The following DAB2IP variants were observed in gnomAD, a reference collection of about 807,000 sequenced individuals.
The protein encoded by DAB2IP is disabled homolog 2-interacting protein.
DAB2IP carries 28 observed loss-of-function variants against 107.2 expected under a neutral mutation model. That is an observed-to-expected ratio of 0.26 (90% CI 0.19 to 0.36). The LOEUF (loss-of-function observed/expected upper bound fraction) is 0.36, where lower values mean the gene tolerates loss of function less well. DAB2IP is among the 10% of genes least tolerant of loss of function. The pLI is 1.00. For synonymous variants in DAB2IP, 755 were observed against 706.4 expected (o/e 1.07, Z -1.09); for missense variants, 1,400 against 1,644.7 (o/e 0.85, Z 2.57).
At chr9:121,567,674 A>G (rs926553274) in intron 1 of DAB2IP, among the ~76,000 whole-genome samples, 19 of 152,142 alleles carry the variant, frequency 1.2e-4, no homozygotes, top group African/African-American at 4.3e-4. Context: ...CTCATGCTGA[A>G]AGCACTCCCC....
At chr9:121,755,197 A>T (rs111840316) in intron 3 of DAB2IP, among the ~76,000 whole-genome samples, 5 of 152,142 alleles carry the variant, frequency 3.3e-5, no homozygotes, top group Non-Finnish European at 7.4e-5. Flanking sequence ...GATTATCAGG[A>T]GAAGAGGCCT....
intron 1 of DAB2IP, among the ~76,000 whole-genome samples, chr9:121,619,689 G>C (rs1281816260): frequency 2.0e-5 from 3 of 152,200 alleles, no homozygotes; most frequent in Non-Finnish European, 2.9e-5. Flanking sequence ...CACTTGGGTG[G>C]AGTATGTTGT....
upstream of DAB2IP, among the ~76,000 whole-genome samples, chr9:121,650,571 G>C (rs1016637727): frequency 1.3e-5 from 2 of 152,238 alleles, no homozygotes; most frequent in African/African-American, 4.8e-5. Flanking sequence ...ACTTGCCTCT[G>C]CCACTTTCCA....
In DAB2IP at chr9:121,656,542, A is replaced by G. The variant is rs532877401; in HGVS notation, c.124+4643A>G. Among the ~76,000 whole-genome samples the G allele has an allele frequency of 5.5e-4, 84 of 152,306 alleles. 1 individual carries two copies. Among genetic ancestry groups the G allele is most frequent in the Admixed American group, 2.0e-3 (31 of 15,306 alleles). On this transcript the variant is annotated intron_variant, in intron 1 of 15. Coordinates refer to ENST00000408936, the Ensembl canonical transcript of DAB2IP. ...CTTCTTCTGTTTCTGCCAAGACACA[A>G]TCTTTCATTTGGGGCTTGGCCCTAG...
intron 2 of DAB2IP, among the ~76,000 whole-genome samples, chr9:121,696,456 A>G (rs1829434608): frequency 6.6e-6 from 1 of 152,192 alleles, no homozygotes; most frequent in Non-Finnish European, 1.5e-5. Flanking sequence ...CCTCTTCCCA[A>G]GTTAGGGGCT....
chr9:121,692,403 G>A (rs1278216971), intron 2 of DAB2IP, among the ~76,000 whole-genome samples: 1 of 152,120 alleles, frequency 6.6e-6, no homozygotes, highest in Non-Finnish European at 1.5e-5. Context: ...GCATTTGTAT[G>A]CATGCCTGTC....
intron 1 of DAB2IP, among the ~76,000 whole-genome samples, chr9:121,580,570 A>G (rs1830167851): frequency 6.6e-6 from 1 of 152,034 alleles, no homozygotes; most frequent in Non-Finnish European, 1.5e-5. Context: ...GAACAGGCAG[A>G]GGGAACCACA....
chr9:121,774,689 AAGGCTCCTTAGCCC>A (rs1258589898), intron 13 of DAB2IP, among the ~76,000 whole-genome samples: 1 of 152,198 alleles, frequency 6.6e-6, no homozygotes, highest in Non-Finnish European at 1.5e-5. Context: ...GACCTCTGGG[AAGGCTCCTTAGCCC>A]AGGCAACTGA....
At chr9:121,757,840 A>G (rs1466281126) in intron 4 of DAB2IP, among the ~76,000 whole-genome samples, 3 of 152,100 alleles carry the variant, frequency 2.0e-5, no homozygotes, top group Non-Finnish European at 2.9e-5. Flanking sequence ...GAAGATTCCT[A>G]CCCCCAATAA....
intron 1 of DAB2IP, among the ~76,000 whole-genome samples, chr9:121,627,390 T>G (rs1458223893): frequency 2.0e-5 from 3 of 152,172 alleles, no homozygotes; most frequent in Non-Finnish European, 4.4e-5. Context: ...TTTTTTTTTT[T>G]TTGTATGCTG....
At chr9:121,773,115 A>G (rs1834894503) in exon 12 of DAB2IP, 1 of 1,612,196 alleles carries the variant, frequency 6.2e-7, no homozygotes, top group Non-Finnish European at 8.5e-7. Flanking sequence ...ACACAGCAAC[A>G]GCGAGGAGTT....
rs1271843088 is a variant in DAB2IP at position 121,702,837 on chromosome 9, ACT to A, written c.362+3382_362+3383del. 6.6e-6 allele frequency among the ~76,000 whole-genome samples: 1 copy of A among 151,546 alleles called. No homozygotes were observed. Among genetic ancestry groups the A allele is most frequent in the Non-Finnish European group, 1.5e-5 (1 of 67,900 alleles). Reference sequence around the variant, plus strand: ...TCTCTCCTGATGCTGTTTCTGGGTGACTCTAGCCCTCCACACCTGCTGGGAAT... The same window carrying A: ...TCTCTCCTGATGCTGTTTCTGGGTGACTAGCCCTCCACACCTGCTGGGAAT... On this transcript the variant is annotated intron_variant, in intron 3 of 15. Transcript: ENST00000408936. The surrounding 1 kb of genome is among the most constrained non-coding windows in gnomAD (Gnocchi z 4.5).
At chr9:121,773,006 C>T (rs1444291491) in exon 12 of DAB2IP, 4 of 1,611,318 alleles carry the variant, frequency 2.5e-6, no homozygotes, top group East Asian at 2.2e-5. Context: ...TGGCACCGCT[C>T]TCCTTCCAGA....
intron 15 of DAB2IP, 41 bp downstream of exon 15, chr9:121,781,592 G>T: frequency 4.4e-6 from 7 of 1,596,056 alleles, no homozygotes; most frequent in Non-Finnish European, 6.0e-6. Flanking sequence ...AGAGTTAAAG[G>T]GCCTGGGATT....
rs374127830 is a variant in DAB2IP at position 121,627,141 on chromosome 9, T to TCA, written c.41-51510_41-51509dup. 3.8e-3 allele frequency among the ~76,000 whole-genome samples: 485 copies of TCA among 126,826 alleles called. 2 individuals carry two copies. The highest frequency in any genetic ancestry group is 4.8e-3 in the Admixed American group (55 of 11,404). 83.2% of individuals were successfully genotyped at this position (126,826 alleles called of 152,430 possible). A position where few individuals can be genotyped will look rare whatever the true frequency, so the allele number is the denominator to read the frequency against. On this transcript the variant is annotated intron_variant, in intron 1 of 16. Transcript: ENST00000259371. ...ACTCAACACACACACACACACACAC[T>TCA]CACACACACACACACACACACACAC...
At chr9:121,734,301 C>T (rs1831733329) in intron 3 of DAB2IP, among the ~76,000 whole-genome samples, 3 of 141,500 alleles carry the variant, frequency 2.1e-5, no homozygotes, top group Non-Finnish European at 1.5e-5. Context: ...GGCGTGAACC[C>T]AGGAAGCGGA....
At position 121,782,189 on chromosome 9, in the gene DAB2IP, T is replaced by C. The variant is rs1052386643; in HGVS notation, c.3403-142T>C. 5 of 1,380,316 alleles carry C rather than the reference T, an allele frequency of 3.6e-6. 1 individual carries two copies. The Admixed American group carries it at 1.3e-4, about 35-fold the overall frequency. 85.5% of individuals were successfully genotyped at this position (1,380,316 alleles called of 1,614,324 possible). ...GATGCTGCAGAGGCCTCTGCCTACC[T>C]TCTCTTGCCAGCTGCTCACAGCCCG... On this transcript the variant is annotated intron_variant, in intron 15 of 15. Transcript: ENST00000408936. The surrounding 1 kb of genome is among the most constrained non-coding windows in gnomAD (Gnocchi z 6.1).
Position 121,635,152 on chromosome 9 carries a change from A to G in DAB2IP, c.41-43526A>G, listed in dbSNP as rs572099158. Among the ~76,000 whole-genome samples, 116 of 152,304 alleles carry G rather than the reference A, an allele frequency of 7.6e-4. No homozygotes were observed. The highest frequency in any genetic ancestry group is 2.5e-3 in the African/African-American group (102 of 41,560). On this transcript the variant is annotated intron_variant, in intron 1 of 16. Coordinates refer to the DAB2IP transcript ENST00000259371. The surrounding 1 kb of genome is among the most constrained non-coding windows in gnomAD (Gnocchi z 4.3). Reference sequence around the variant, plus strand: ...GGCCAGGCCTCCGTGTGGCCGGTCAATGCCTCAGGAGGTCAGCAGGTGGAG... The same window carrying G: ...GGCCAGGCCTCCGTGTGGCCGGTCAGTGCCTCAGGAGGTCAGCAGGTGGAG...
chr9:121,575,668 G>T (rs1229786348), intron 1 of DAB2IP, among the ~76,000 whole-genome samples: 3 of 152,088 alleles, frequency 2.0e-5, no homozygotes, highest in African/African-American at 4.8e-5. Flanking sequence ...TGTGTCCCCA[G>T]CTTCCCCTCA....
Sources: gnomAD v4.1 joint callset for allele counts (sites outside exome capture counted in the v4.1 genomes callset) on GRCh38, gnomAD v4.1.1 for gene constraint, Gnocchi (gnomAD v3.1) non-coding constraint, MANE v1.5 for transcripts, NCBI Gene and HGNC (gene_info 2026-07-23, HGNC 2026-07-21) for gene names.